Variants in SGCD observed in about 807,000 individuals in gnomAD.
SGCD encodes the protein sarcoglycan delta, also known as delta-sarcoglycan.
In SGCD, 18 loss-of-function variants were observed where a neutral mutation model predicts 36.6. That is an observed-to-expected ratio of 0.49 (90% CI 0.34 to 0.73). SGCD has a LOEUF of 0.73. Among genes scored for constraint, SGCD ranks in the 30% least tolerant of loss-of-function variants. The pLI, the probability that SGCD is intolerant of heterozygous loss-of-function variation, is 0.01. For missense variants in SGCD, 387 were observed against 346.7 expected (o/e 1.12, Z -0.92); for synonymous variants, 133 against 130.6 (o/e 1.02, Z -0.12).
chr5:156,482,838 T>TTTA (rs1755498340), intron 3 of SGCD, among the ~76,000 whole-genome samples: 2 of 146,860 alleles, frequency 1.4e-5, no homozygotes, highest in Non-Finnish European at 3.0e-5. Flanking sequence ...TTTTTTTTTT[T>TTTA]AAGTAAGCTG....
intron 1 of SGCD, among the ~76,000 whole-genome samples, chr5:155,963,608 G>GA (rs1757836464): frequency 6.6e-6 from 1 of 151,878 alleles, no homozygotes; most frequent in Admixed American, 6.6e-5. Flanking sequence ...ACCCTATAAA[G>GA]AAAAAATTAT....
At chr5:156,450,242 A>G (rs1753947090) in intron 3 of SGCD, among the ~76,000 whole-genome samples, 1 of 152,074 alleles carries the variant, frequency 6.6e-6, no homozygotes. Context: ...CTTGGCTGTT[A>G]TCATTGCCCA....
At chr5:155,849,698 T>C in the SGCD span, among the ~76,000 whole-genome samples, 2 of 152,186 alleles carry the variant, frequency 1.3e-5, no homozygotes, top group Non-Finnish European at 1.5e-5. Context: ...GTCAGATATA[T>C]TGTCTTTGCA....
At chr5:156,581,769 C>T (rs1173000157) in intron 4 of SGCD, among the ~76,000 whole-genome samples, 2 of 152,172 alleles carry the variant, frequency 1.3e-5, no homozygotes, top group Non-Finnish European at 2.9e-5. Context: ...TTTGCTAAGA[C>T]CATTGGAAAA....
chr5:156,326,908 C>T (rs1767836777), upstream of SGCD: 1 of 152,304 alleles, frequency 6.6e-6, no homozygotes, highest in Admixed American at 6.5e-5. Flanking sequence ...GGGAGTCGGC[C>T]TGTGCTTGAC....
chr5:155,807,659 G>A, the SGCD span, among the ~76,000 whole-genome samples: 1 of 152,158 alleles, frequency 6.6e-6, no homozygotes, highest in Non-Finnish European at 1.5e-5. Flanking sequence ...ATATTTCCTG[G>A]TCATTTCAAA....
chr5:156,618,885 A>G (rs1034746464), intron 6 of SGCD, among the ~76,000 whole-genome samples: 35 of 152,200 alleles, frequency 2.3e-4, no homozygotes, highest in African/African-American at 7.7e-4. Flanking sequence ...AGACCTTCCC[A>G]GCTGCTCAGC....
At chr5:156,697,538 T>A (rs920088585) in intron 7 of SGCD, among the ~76,000 whole-genome samples, 10 of 152,192 alleles carry the variant, frequency 6.6e-5, no homozygotes, top group African/African-American at 2.4e-4. Context: ...CATGAGCTAT[T>A]TCTGTGAAGT....
At chr5:156,755,065 C>G (rs966092343) in intron 7 of SGCD, among the ~76,000 whole-genome samples, 1 of 152,192 alleles carries the variant, frequency 6.6e-6, no homozygotes, top group Non-Finnish European at 1.5e-5. Context: ...TCATAACCCC[C>G]TCCTGGTGAT....
At chr5:156,237,793 C>T (rs754878901) in intron 3 of SGCD, among the ~76,000 whole-genome samples, 3 of 152,002 alleles carry the variant, frequency 2.0e-5, no homozygotes, top group Non-Finnish European at 4.4e-5. Context: ...AACATTCATT[C>T]GGTAAATATT....
rs189488537 is a variant in SGCD, at chr5:156,577,942, G to C, written c.295-11289G>C. ...TTCCTGATTGCCCTGGCCAGAACTTGCAACACTATGTTGAATAGGAGTGGT... is the reference window on the plus strand; with the variant it reads ...TTCCTGATTGCCCTGGCCAGAACTTCCAACACTATGTTGAATAGGAGTGGT... On this transcript the variant is annotated intron_variant, in intron 4 of 8. Coordinates refer to ENST00000337851, the MANE Select transcript of SGCD (RefSeq NM_000337.6). Among the ~76,000 whole-genome samples, 400 of 152,206 alleles carry C rather than the reference G, an allele frequency of 2.6e-3. 1 individual carries two copies. Among genetic ancestry groups the C allele is most frequent in the Non-Finnish European group, 4.6e-3 (313 of 67,986 alleles).
intron 1 of SGCD, among the ~76,000 whole-genome samples, chr5:156,007,112 C>T (rs549218759): frequency 6.6e-6 from 1 of 152,278 alleles, no homozygotes; most frequent in South Asian, 2.1e-4. Flanking sequence ...TGGTCTATTC[C>T]GCAGGATCCT....
the SGCD span, among the ~76,000 whole-genome samples, chr5:155,831,775 G>A: frequency 6.6e-6 from 1 of 152,208 alleles, no homozygotes; most frequent in East Asian, 1.9e-4. Flanking sequence ...CTTCCACAGA[G>A]TCTGTAGGGA....
At chr5:156,284,013 T>C (rs1014115175) in intron 3 of SGCD, among the ~76,000 whole-genome samples, 2 of 152,148 alleles carry the variant, frequency 1.3e-5, no homozygotes, top group African/African-American at 4.8e-5. Flanking sequence ...TTAGGGATTT[T>C]TGTGGAAATA....
intron 3 of SGCD, among the ~76,000 whole-genome samples, chr5:156,420,400 T>C (rs1359527794): frequency 1.3e-5 from 2 of 152,112 alleles, no homozygotes; most frequent in Non-Finnish European, 2.9e-5. Flanking sequence ...AAAAATTACT[T>C]CTTAGGGCAT....
chr5:156,067,921 C>T (rs1428932660), intron 1 of SGCD, among the ~76,000 whole-genome samples: 6 of 128,828 alleles, frequency 4.7e-5, no homozygotes, highest in African/African-American at 2.8e-4. Flanking sequence ...ACGCTGGGAG[C>T]TGTAGACCGG....
At chr5:156,262,699 C>T (rs950236834) in intron 3 of SGCD, among the ~76,000 whole-genome samples, 2 of 152,014 alleles carry the variant, frequency 1.3e-5, no homozygotes, top group African/African-American at 4.8e-5. Context: ...CCTATCCTTT[C>T]CCCCAAGTCC....
chr5:156,308,747 G>A (rs934486089), intron 3 of SGCD, among the ~76,000 whole-genome samples: 21 of 152,178 alleles, frequency 1.4e-4, no homozygotes, highest in African/African-American at 5.1e-4. Flanking sequence ...GATGAGATTT[G>A]CATGGAGACA....
At chr5:156,191,990 T>A (rs138994035) in intron 3 of SGCD, among the ~76,000 whole-genome samples, 1 of 152,314 alleles carries the variant, frequency 6.6e-6, no homozygotes, top group East Asian at 1.9e-4. Context: ...ATTGAGGAAG[T>A]TGTCAGGTTA....
Sources: allele counts gnomAD v4.1 joint callset (sites outside exome capture counted in the v4.1 genomes callset), GRCh38; gene constraint gnomAD v4.1.1; transcripts MANE v1.5; gene names NCBI Gene and HGNC (gene_info 2026-07-23, HGNC 2026-07-21).